The following PPM1L variants were observed in gnomAD, a reference collection of about 807,000 sequenced individuals.
PPM1L encodes protein phosphatase, Mg2+/Mn2+ dependent 1L.
PPM1L carries 13 observed loss-of-function variants against 31.4 expected under a neutral mutation model. The ratio of observed to expected loss-of-function variants is 0.41; its 90% CI spans 0.27 to 0.66. The LOEUF (loss-of-function observed/expected upper bound fraction) is 0.66, where lower values mean the gene tolerates loss of function less well. PPM1L is among the 30% of genes least tolerant of loss of function. PPM1L has a pLI of 0.29. For synonymous variants in PPM1L, 184 were observed against 175.4 expected (o/e 1.05, Z -0.39); for missense variants, 326 against 453.7 (o/e 0.72, Z 2.56).
chr3:160,916,639 T>A (rs2166754), intron 1 of PPM1L, among the ~76,000 whole-genome samples: 151,420 of 152,226 alleles, frequency 0.99, 75,312 homozygotes, highest in Middle Eastern at 1. Context: ...TTAAAAAAAA[T>A]TTTTTTTAAG....
intron 2 of PPM1L, among the ~76,000 whole-genome samples, chr3:161,006,147 T>C (rs1717697152): frequency 6.6e-6 from 1 of 152,214 alleles, no homozygotes; most frequent in East Asian, 1.9e-4. Flanking sequence ...ATGTGATATA[T>C]ACATACAATG....
rs141703332 is a variant in PPM1L at position 161,068,887 on chromosome 3, G to A, written c.813G>A (p.Pro271=). ...LAMSRSLGDY[P]LKNLNVVIPD... ...TGTCTCGGTCCCTGGGGGATTATCC[G>A]CTGAAAAATCTCAACGTGGTCATCC... is the stretch of plus-strand genomic sequence containing the variant. The change falls in exon 4 of 4, where the codon CCG becomes CCA. Residue 271 remains proline, a synonymous_variant. Transcript: ENST00000498165. 1,387 of 1,614,090 alleles carry A rather than the reference G, an allele frequency of 8.6e-4. 2 individuals carry two copies. The highest frequency in any genetic ancestry group is 1.1e-3 in the Non-Finnish European group (1,255 of 1,180,018).
intron 1 of PPM1L, among the ~76,000 whole-genome samples, chr3:160,951,892 C>T (rs1715586396): frequency 6.6e-6 from 1 of 152,224 alleles, no homozygotes; most frequent in Non-Finnish European, 1.5e-5. Flanking sequence ...ATTTGCACGT[C>T]TGCAGCTTTG....
intron 2 of PPM1L, among the ~76,000 whole-genome samples, chr3:160,982,036 G>A (rs1442130106): frequency 5.3e-5 from 8 of 152,122 alleles, no homozygotes; most frequent in African/African-American, 1.9e-4. Context: ...AAAGTGCTGG[G>A]ATTACAGGCA....
At chr3:160,867,774 TA>T (rs1316619776) in intron 1 of PPM1L, among the ~76,000 whole-genome samples, 1 of 152,188 alleles carries the variant, frequency 6.6e-6, no homozygotes, top group Admixed American at 6.5e-5. Context: ...GGTATCATTG[TA>T]AAGGTTAAAC....
chr3:160,812,140 G>A (rs1712831390), intron 1 of PPM1L, among the ~76,000 whole-genome samples: 1 of 152,092 alleles, frequency 6.6e-6, no homozygotes, highest in South Asian at 2.1e-4. Context: ...CATGTCTTTG[G>A]GCCTCTGCAC....
chr3:160,807,622 C>G (rs1712642737), intron 1 of PPM1L, among the ~76,000 whole-genome samples: 1 of 152,144 alleles, frequency 6.6e-6, no homozygotes, highest in East Asian at 1.9e-4. Context: ...AAGCCACTAT[C>G]ACTTAGTGAA....
In PPM1L at chr3:160,910,429, C is replaced by T. The variant is rs540850372; in HGVS notation, c.400-51307C>T. Among the ~76,000 whole-genome samples, 334 of 151,898 alleles carry T rather than the reference C, an allele frequency of 2.2e-3. 2 individuals are homozygous for T. The highest frequency in any genetic ancestry group is 0.01 in the Middle Eastern group (3 of 294). On this transcript the variant is annotated intron_variant, in intron 1 of 3. Transcript: ENST00000498165. ...CCAGGTTCCGGTGATTGTCATGCCT[C>T]AGCCTCCCCAGTAGCTGGGATTAAG...
At position 161,012,881 on chromosome 3, in the gene PPM1L, T is replaced by G. The variant is rs189721235; in HGVS notation, c.574+50971T>G. Reference sequence around the variant, plus strand: ...TGGTGATATCCCCTTTATCATTTTTTATTGCATCTATTTGATTCTTCTCTC... The same window carrying G: ...TGGTGATATCCCCTTTATCATTTTTGATTGCATCTATTTGATTCTTCTCTC... On this transcript the variant is annotated intron_variant, in intron 2 of 3. Transcript: ENST00000498165. Among the ~76,000 whole-genome samples, 608 of 152,314 alleles carry G rather than the reference T, an allele frequency of 4.0e-3. 4 individuals are homozygous for G. Among genetic ancestry groups the G allele is most frequent in the African/African-American group, 0.014 (588 of 41,572 alleles).
At chr3:160,980,429 C>T (rs1248722567) in intron 2 of PPM1L, among the ~76,000 whole-genome samples, 1 of 151,866 alleles carries the variant, frequency 6.6e-6, no homozygotes. Context: ...GTAATCCCAG[C>T]ACTTTGGGAG....
intron 1 of PPM1L, among the ~76,000 whole-genome samples, chr3:160,865,411 C>T (rs1450093691): frequency 2.0e-5 from 3 of 152,176 alleles, no homozygotes; most frequent in Non-Finnish European, 2.9e-5. Context: ...ATATAAACTA[C>T]TTTAAAAAAT....
chr3:160,893,590 G>C (rs1015024196), intron 1 of PPM1L, among the ~76,000 whole-genome samples: 15 of 152,130 alleles, frequency 9.9e-5, no homozygotes, highest in African/African-American at 3.1e-4. Context: ...CTGTACCCCT[G>C]ATGCCCCAAT....
chr3:161,018,189 C>T (rs1400671675), intron 2 of PPM1L, among the ~76,000 whole-genome samples: 3 of 152,088 alleles, frequency 2.0e-5, no homozygotes, highest in Admixed American at 2.0e-4. Flanking sequence ...GCAGGGACTC[C>T]TTAGGAAGGC....
chr3:161,010,473 G>A (rs1176484833), intron 2 of PPM1L, among the ~76,000 whole-genome samples: 1 of 152,160 alleles, frequency 6.6e-6, no homozygotes, highest in African/African-American at 2.4e-5. Flanking sequence ...GAATAGTGCT[G>A]CAATAAACAT....
chr3:160,899,733 A>C (rs933477137), intron 1 of PPM1L, among the ~76,000 whole-genome samples: 11 of 152,208 alleles, frequency 7.2e-5, no homozygotes, highest in Non-Finnish European at 1.2e-4. Context: ...GGGTTGGAGA[A>C]AATAACTGAG....
chr3:160,808,946 C>A (rs1224967727), intron 1 of PPM1L, among the ~76,000 whole-genome samples: 6 of 152,114 alleles, frequency 3.9e-5, no homozygotes, highest in Non-Finnish European at 5.9e-5. Flanking sequence ...CTTCCCCTAC[C>A]CCCATATGAT....
At chr3:160,929,864 C>T (rs1298548105) in intron 1 of PPM1L, among the ~76,000 whole-genome samples, 1 of 152,156 alleles carries the variant, frequency 6.6e-6, no homozygotes, top group African/African-American at 2.4e-5. Context: ...CAGTCCCCAC[C>T]ACCTTCCCAC....
chr3:160,770,363 G>A (rs116500744), intron 1 of PPM1L, among the ~76,000 whole-genome samples: 2,523 of 152,222 alleles, frequency 0.017, 67 homozygotes, highest in African/African-American at 0.057. Flanking sequence ...GAGATAAAGG[G>A]AATGTAAAAA....
At chr3:160,781,739 C>T (rs1711753249) in intron 1 of PPM1L, among the ~76,000 whole-genome samples, 2 of 152,172 alleles carry the variant, frequency 1.3e-5, no homozygotes, top group Admixed American at 1.3e-4. Context: ...GGTAATTTTT[C>T]AGAAGGCAGC....
Sources: allele counts gnomAD v4.1 joint callset (sites outside exome capture counted in the v4.1 genomes callset), GRCh38; gene constraint gnomAD v4.1.1; transcripts MANE v1.5; gene names NCBI Gene and HGNC (gene_info 2026-07-23, HGNC 2026-07-21).